Variants in SPOCK1 observed in about 807,000 individuals in gnomAD.
SPOCK1 encodes testican-1.
A neutral mutation model predicts 55.3 loss-of-function variants in SPOCK1; 23 were observed. The ratio of observed to expected loss-of-function variants is 0.42; its 90% CI spans 0.30 to 0.59. The LOEUF (loss-of-function observed/expected upper bound fraction) is 0.59, where lower values mean the gene tolerates loss of function less well. Among genes scored for constraint, SPOCK1 ranks in the 20% least tolerant of loss-of-function variants. SPOCK1 has a pLI of 0.22. For missense variants in SPOCK1, 499 were observed against 552.5 expected, an observed-to-expected ratio of 0.90 and a Z score of 0.97; for synonymous variants, 226 against 221.0, an observed-to-expected ratio of 1.02 and a Z score of -0.20.
intron 9 of SPOCK1, among the ~76,000 whole-genome samples, chr5:136,980,717 T>A (rs1331702804): frequency 6.6e-6 from 1 of 152,212 alleles, no homozygotes; most frequent in Admixed American, 6.5e-5. Context: ...CATAGCAGTG[T>A]GAAAATGGAC....
At chr5:137,148,429 T>C (rs1754246598) in intron 3 of SPOCK1, among the ~76,000 whole-genome samples, 1 of 152,220 alleles carries the variant, frequency 6.6e-6, no homozygotes, top group African/African-American at 2.4e-5. Context: ...TTTATTAGCC[T>C]GGGCAGCCAA....
chr5:137,243,955 G>T (rs1455795592), intron 3 of SPOCK1, among the ~76,000 whole-genome samples: 3 of 152,116 alleles, frequency 2.0e-5, no homozygotes, highest in African/African-American at 7.2e-5. Context: ...CCAGATAAAA[G>T]CAATGAGGAT....
chr5:137,062,521 T>C (rs1391228042), intron 6 of SPOCK1, among the ~76,000 whole-genome samples: 1 of 109,858 alleles, frequency 9.1e-6, no homozygotes, highest in East Asian at 2.3e-4. Flanking sequence ...TTTTCAAGCA[T>C]TATAAATAAT....
chr5:137,121,648 T>G (rs1367277650), intron 4 of SPOCK1, among the ~76,000 whole-genome samples: 1 of 146,782 alleles, frequency 6.8e-6, no homozygotes, highest in East Asian at 2.0e-4. Flanking sequence ...TATAGTGACA[T>G]TAATTATATA....
At chr5:137,032,665 G>A (rs6596363) in intron 6 of SPOCK1, among the ~76,000 whole-genome samples, 36,845 of 151,976 alleles carry the variant, frequency 0.24, 4,501 homozygotes, top group South Asian at 0.25. Flanking sequence ...AAGAGTTTGC[G>A]GAAGGAAGGA....
At chr5:137,160,593 A>G (rs796909855) in intron 3 of SPOCK1, among the ~76,000 whole-genome samples, 1 of 71,054 alleles carries the variant, frequency 1.4e-5, no homozygotes, top group South Asian at 3.4e-4. Context: ...TATAATATAT[A>G]ATATATTATA....
chr5:137,327,009 CA>C (rs1758093700), intron 2 of SPOCK1, among the ~76,000 whole-genome samples: 1 of 152,166 alleles, frequency 6.6e-6, no homozygotes, highest in South Asian at 2.1e-4. Flanking sequence ...AACAAACAAA[CA>C]AACAAACAAA....
At chr5:137,217,403 C>T (rs1755738697) in intron 3 of SPOCK1, among the ~76,000 whole-genome samples, 1 of 152,180 alleles carries the variant, frequency 6.6e-6, no homozygotes, top group Non-Finnish European at 1.5e-5. Context: ...CCCCACTTTG[C>T]CTTGCCTCCA....
chr5:137,191,436 C>CTAAG (rs1755176638), intron 3 of SPOCK1, among the ~76,000 whole-genome samples: 1 of 151,742 alleles, frequency 6.6e-6, no homozygotes, highest in South Asian at 2.1e-4. Flanking sequence ...TCAGTAGACT[C>CTAAG]TAAGACACAA....
intron 2 of SPOCK1, among the ~76,000 whole-genome samples, chr5:137,419,364 G>A (rs1290750704): frequency 2.6e-5 from 4 of 151,428 alleles, no homozygotes; most frequent in Non-Finnish European, 5.9e-5. Flanking sequence ...TGATGGGGAT[G>A]GCATTGAATC....
At position 137,220,840 on chromosome 5, in the gene SPOCK1, A is replaced by C. The variant is rs975468715; in HGVS notation, c.232+46170T>G. Among the ~76,000 whole-genome samples the C allele has an allele frequency of 5.3e-5, 8 of 152,356 alleles. No homozygotes were observed. The East Asian group carries it at 1.5e-3, about 29-fold the overall frequency. On this transcript the variant is annotated intron_variant, in intron 3 of 10. Transcript: ENST00000394945. ...TGAATCCTCAGCCTTTCTCGGGCAC[A>C]CACATGGTTCCAGAGCAGAAAATGT...
chr5:137,469,790 G>A (rs1309501602), intron 2 of SPOCK1, among the ~76,000 whole-genome samples: 1 of 152,166 alleles, frequency 6.6e-6, no homozygotes, highest in African/African-American at 2.4e-5. Context: ...ATGGACTGGT[G>A]ATATGGATGA....
chr5:137,450,439 G>A (rs901459401), intron 2 of SPOCK1, among the ~76,000 whole-genome samples: 3 of 152,150 alleles, frequency 2.0e-5, no homozygotes, highest in African/African-American at 7.2e-5. Context: ...ATGGGGGCAG[G>A]TGCATCTCCC....
intron 2 of SPOCK1, among the ~76,000 whole-genome samples, chr5:137,356,836 T>TAGAGAGAGAGAGAGAGAGAGAGAG (rs1352078666): frequency 1.1e-4 from 1 of 8,778 alleles, no homozygotes; most frequent in Non-Finnish European, 2.1e-4. Context: ...TATATATATA[T>TAGAGAGAGAGAGAGAGAGAGAGAG]ATAGAGAGAG....
chr5:137,489,646 C>T (rs1011776214), intron 2 of SPOCK1, among the ~76,000 whole-genome samples: 5 of 152,218 alleles, frequency 3.3e-5, no homozygotes, highest in African/African-American at 4.8e-5. Flanking sequence ...GTGTGCCTCA[C>T]TTTTTGCAGT....
At chr5:137,487,333 CA>C (rs11330611) in intron 2 of SPOCK1, among the ~76,000 whole-genome samples, 1,994 of 53,316 alleles carry the variant, frequency 0.037, 15 homozygotes, top group Admixed American at 0.065. Flanking sequence ...TCTGATCTTT[CA>C]AAAAAAAAAA....
chr5:137,349,176 G>A (rs560601006), intron 2 of SPOCK1, among the ~76,000 whole-genome samples: 1 of 152,322 alleles, frequency 6.6e-6, no homozygotes, highest in African/African-American at 2.4e-5. Flanking sequence ...ATGGCTGCAA[G>A]AACAAATCAA....
intron 2 of SPOCK1, among the ~76,000 whole-genome samples, chr5:137,354,903 T>TG (rs146154129): frequency 7.2e-6 from 1 of 139,336 alleles, no homozygotes; most frequent in Non-Finnish European, 1.6e-5. Flanking sequence ...CTAAGTTTTG[T>TG]TTTTTTTTGT....
intron 6 of SPOCK1, among the ~76,000 whole-genome samples, chr5:137,064,757 T>C (rs1752464842): frequency 6.6e-6 from 1 of 152,232 alleles, no homozygotes; most frequent in African/African-American, 2.4e-5. Flanking sequence ...TTGTGAGAGC[T>C]GCATGGAAAG....
Sources: gnomAD v4.1 joint callset for allele counts (sites outside exome capture counted in the v4.1 genomes callset) on GRCh38, gnomAD v4.1.1 for gene constraint, MANE v1.5 for transcripts, NCBI Gene and HGNC (gene_info 2026-07-23, HGNC 2026-07-21) for gene names.